PIK3CD: variants seen among roughly 807,000 people sequenced by gnomAD.
PIK3CD encodes the protein phosphatidylinositol-4,5-bisphosphate 3-kinase catalytic subunit delta.
In PIK3CD, 20 loss-of-function variants were observed where a neutral mutation model predicts 122.9. That is an observed-to-expected ratio of 0.16 (90% CI 0.11 to 0.24). The LOEUF (loss-of-function observed/expected upper bound fraction) is 0.24, where lower values mean the gene tolerates loss of function less well. PIK3CD is among the 10% of genes least tolerant of loss of function. PIK3CD has a pLI of 1.00. For missense variants in PIK3CD, 787 were observed against 1,406.3 expected (o/e 0.56, Z 7.04); for synonymous variants, 596 against 593.4 (o/e 1.00, Z -0.06).
chr1:9,659,337 C>T (rs1644947094), intron 1 of PIK3CD, among the ~76,000 whole-genome samples: 1 of 152,064 alleles, frequency 6.6e-6, no homozygotes, highest in Non-Finnish European at 1.5e-5. Context: ...ATAATTTAGT[C>T]GTAATTAGTA....
chr1:9,651,971 G>C (rs1429735354), intron 1 of PIK3CD, among the ~76,000 whole-genome samples, 169 bp downstream of exon 1: 2 of 151,950 alleles, frequency 1.3e-5, no homozygotes, highest in Non-Finnish European at 1.5e-5. Flanking sequence ...CTAGCGAGCC[G>C]GGTCCTGGGA....
chr1:9,650,783 A>G (rs1644657082), upstream of PIK3CD, among the ~76,000 whole-genome samples: 1 of 152,130 alleles, frequency 6.6e-6, no homozygotes, highest in African/African-American at 2.4e-5. Flanking sequence ...TTCTCAGGTA[A>G]GAAAAGTTAG....
At chr1:9,665,824 A>G (rs1448767784) in intron 1 of PIK3CD, among the ~76,000 whole-genome samples, 1 of 150,886 alleles carries the variant, frequency 6.6e-6, no homozygotes, top group Non-Finnish European at 1.5e-5. Context: ...TGCGATCTCC[A>G]CTCACTGCGA....
chr1:9,704,215 A>T lies in PIK3CD; in HGVS notation c.-32-6209A>T, dbSNP rs192344583. On this transcript the variant is annotated intron_variant, in intron 2 of 23. Coordinates refer to ENST00000377346, the MANE Select transcript of PIK3CD (RefSeq NM_005026.5). This position sits in a 1 kb window ranked among gnomAD's most constrained non-coding sequence, Gnocchi z 5.0. The stretch of plus-strand genomic sequence containing the variant: ...CAGTCTGATACTTTCTGTATTAGGA[A>T]TGAGGTTTTCTGTGAAAGTATTTCC... Among the ~76,000 whole-genome samples the T allele has an allele frequency of 6.6e-6, 1 of 152,278 alleles. No individual in the cohort carries two copies. Among genetic ancestry groups the T allele is most frequent in the African/African-American group, 2.4e-5 (1 of 41,564 alleles).
chr1:9,645,395 G>A, the PIK3CD span, among the ~76,000 whole-genome samples: 4 of 151,728 alleles, frequency 2.6e-5, no homozygotes, highest in East Asian at 1.9e-4. Flanking sequence ...CTAGGGTCAC[G>A]GTTTCAAAAA....
At chr1:9,702,544 G>A (rs1178166053) in intron 2 of PIK3CD, among the ~76,000 whole-genome samples, 32 of 34,778 alleles carry the variant, frequency 9.2e-4, no homozygotes, top group Non-Finnish European at 2.5e-3. Context: ...TTTTGAGGCA[G>A]AGTTTTGCTC....
At position 9,717,927 on chromosome 1, in the gene PIK3CD, G is replaced by T. The variant is rs1376609756; in HGVS notation, c.1020+301G>T. On this transcript the variant is annotated intron_variant, in intron 8 of 23. Coordinates refer to ENST00000377346, the MANE Select transcript of PIK3CD (RefSeq NM_005026.5). The surrounding 1 kb of genome is among the most constrained non-coding windows in gnomAD (Gnocchi z 5.4). ...GGGATCCGGGACCGCAGAGCTGGGG[G>T]AAGGGCCGGGCATGGAAGAGGGGCT... is the stretch of plus-strand genomic sequence containing the variant. 6.6e-6 allele frequency among the ~76,000 whole-genome samples: 1 copy of T among 152,152 alleles called. No individual in the cohort carries two copies. The highest frequency in any genetic ancestry group is 6.5e-5 in the Admixed American group (1 of 15,270).
rs1647013394 is a variant in PIK3CD, at chr1:9,710,679, A to G, written c.141+83A>G. 1.3e-6 allele frequency: 2 copies of G among 1,489,874 alleles called. No homozygotes were observed. Among genetic ancestry groups the G allele is most frequent in the Admixed American group, 1.7e-5 (1 of 59,644 alleles). 92.3% of individuals were successfully genotyped at this position (1,489,874 alleles called of 1,614,324 possible). On this transcript the variant is annotated intron_variant, in intron 3 of 23. Coordinates refer to ENST00000377346, the MANE Select transcript of PIK3CD (RefSeq NM_005026.5). The surrounding 1 kb of genome is among the most constrained non-coding windows in gnomAD (Gnocchi z 4.7). ...GACACAGATAGACAGACAGACAGAC[A>G]GACAGATGGACAGGTGGACAGACGG...
rs528017302 is a variant in PIK3CD, at chr1:9,718,454, G to A, written c.1021-240G>A. On this transcript the variant is annotated intron_variant, in intron 8 of 23. Transcript: ENST00000377346. This position sits in a 1 kb window ranked among gnomAD's most constrained non-coding sequence, Gnocchi z 7.2. ...CTGGAGTGGGGAATGGACATGCCCC[G>A]AGGTCCCCAGAGTTGGGGTAGCTGA... Among the ~76,000 whole-genome samples, 14 of 152,162 alleles carry A rather than the reference G, an allele frequency of 9.2e-5. No individual in the cohort carries two copies. The highest frequency in any genetic ancestry group is 2.2e-4 in the African/African-American group (9 of 41,522).
chr1:9,642,135 C>G, the PIK3CD span, among the ~76,000 whole-genome samples: 2 of 151,690 alleles, frequency 1.3e-5, no homozygotes, highest in Non-Finnish European at 2.9e-5. Flanking sequence ...TATTTTGAAC[C>G]AGAGTCTCAC....
In PIK3CD at chr1:9,727,278, C is replaced by T; in HGVS notation, c.*232C>T. 1 of 571,158 alleles carries T rather than the reference C, an allele frequency of 1.8e-6. No individual in the cohort carries two copies. Among genetic ancestry groups the T allele is most frequent in the Non-Finnish European group, 3.1e-6 (1 of 319,448 alleles). 35.4% of individuals were successfully genotyped at this position (571,158 alleles called of 1,614,324 possible). On this transcript the variant is annotated 3_prime_UTR_variant, in exon 24 of 24. Transcript: ENST00000377346. Reference sequence around the variant, plus strand: ...AGCGGCGGTGCTGGGCCCCCCGAGGCTGCACCTGGCTCTCGGCTGAGGATT... The same window carrying T: ...AGCGGCGGTGCTGGGCCCCCCGAGGTTGCACCTGGCTCTCGGCTGAGGATT...
chr1:9,669,412 C>G (rs1330004625), intron 1 of PIK3CD, among the ~76,000 whole-genome samples: 1 of 152,146 alleles, frequency 6.6e-6, no homozygotes, highest in African/African-American at 2.4e-5. Flanking sequence ...GCCCAAGAAA[C>G]AGTCTCAAGA....
At chr1:9,654,214 T>C in intron 1 of PIK3CD, 1 of 1,367,502 alleles carries the variant, frequency 7.3e-7, no homozygotes, top group South Asian at 1.1e-5. Context: ...GTTTCTGGAA[T>C]TAGGGCACGT....
intron 2 of PIK3CD, among the ~76,000 whole-genome samples, chr1:9,703,646 A>G (rs1333044849): frequency 1.3e-5 from 2 of 152,132 alleles, no homozygotes; most frequent in African/African-American, 4.8e-5. Flanking sequence ...GCCCAGCTTT[A>G]TGTGTGTGAG....
In PIK3CD at chr1:9,724,724, G is replaced by A. The variant is rs1266573731; in HGVS notation, c.2865-80G>A. The stretch of plus-strand genomic sequence containing the variant: ...CAAGGGCAGGTGTCCTTGGGGAAGG[G>A]GCTGGTTGGATGCAGAGCGGCCCTC... On this transcript the variant is annotated intron_variant, in intron 22 of 23. Coordinates refer to ENST00000377346, the MANE Select transcript of PIK3CD (RefSeq NM_005026.5). This position sits in a 1 kb window ranked among gnomAD's most constrained non-coding sequence, Gnocchi z 7.3. 1 of 1,572,298 alleles carries A rather than the reference G, an allele frequency of 6.4e-7. No homozygotes were observed.
rs1339733845 is a variant in PIK3CD, at chr1:9,728,878, T to C, written c.*1832T>C. ...CTGATGTGGGTTGAGACCAGCACTC[T>C]GTGAAACCTTGAAATGAGAAGTAAA... On this transcript the variant is annotated 3_prime_UTR_variant, in exon 24 of 24. Transcript: ENST00000377346. 6.6e-6 allele frequency: 1 copy of C among 152,244 alleles called. No homozygotes were observed. The highest frequency in any genetic ancestry group is 1.5e-5 in the Non-Finnish European group (1 of 68,044). The allele number at this position is 152,244 out of a possible 1,614,324, so 9.4% of individuals were successfully genotyped here. A position where few individuals can be genotyped will look rare whatever the true frequency, so the allele number is the denominator to read the frequency against.
intron 3 of PIK3CD, among the ~76,000 whole-genome samples, chr1:9,713,147 G>T (rs1229132338): frequency 3.3e-5 from 5 of 152,106 alleles, no homozygotes; most frequent in African/African-American, 7.2e-5. Flanking sequence ...GTGGGCCATT[G>T]CATTCCAGCC....
intron 1 of PIK3CD, among the ~76,000 whole-genome samples, chr1:9,671,488 C>T (rs943340320): frequency 6.6e-6 from 1 of 152,158 alleles, no homozygotes; most frequent in Non-Finnish European, 1.5e-5. Context: ...CCCTGCTCAG[C>T]CTAGCTGAGT....
intron 3 of PIK3CD, among the ~76,000 whole-genome samples, chr1:9,712,415 G>A (rs9430217): frequency 6.6e-6 from 1 of 151,944 alleles, no homozygotes; most frequent in Non-Finnish European, 1.5e-5. Context: ...CAAGTAGCTG[G>A]GACTACAGGC....
Sources: gnomAD v4.1 joint callset for allele counts (sites outside exome capture counted in the v4.1 genomes callset) on GRCh38, gnomAD v4.1.1 for gene constraint, Gnocchi (gnomAD v3.1) non-coding constraint, MANE v1.5 for transcripts, NCBI Gene and HGNC (gene_info 2026-07-23, HGNC 2026-07-21) for gene names.